Variants in ADCY8 observed in about 807,000 individuals in gnomAD.
The protein encoded by ADCY8 is adenylate cyclase 8.
A neutral mutation model predicts 119.7 loss-of-function variants in ADCY8; 51 were observed. That is an observed-to-expected ratio of 0.43 (90% CI 0.34 to 0.54). The LOEUF is 0.54. ADCY8 is among the 20% of genes least tolerant of loss of function. The probability of loss-of-function intolerance (pLI) is 0.03; values close to 1 mark genes in which losing one functional copy is unlikely to be tolerated. For missense variants in ADCY8, 1,383 were observed against 1,598.8 expected (o/e 0.87, Z 2.30); for synonymous variants, 665 against 651.0 (o/e 1.02, Z -0.33).
chr8:131,020,313 G>A (rs1823624351), intron 1 of ADCY8, among the ~76,000 whole-genome samples: 2 of 152,168 alleles, frequency 1.3e-5, no homozygotes, highest in Admixed American at 6.5e-5. Context: ...TGTGATTCAG[G>A]TGAGGACCAG....
At chr8:130,859,035 G>A (rs1190682206) in intron 9 of ADCY8, among the ~76,000 whole-genome samples, 1 of 151,998 alleles carries the variant, frequency 6.6e-6, no homozygotes, top group Admixed American at 6.6e-5. Flanking sequence ...GACTCAGACA[G>A]TTCTCCAAGG....
intron 2 of ADCY8, among the ~76,000 whole-genome samples, chr8:130,969,739 G>A (rs188433383): frequency 1.8e-3 from 270 of 152,222 alleles, no homozygotes; most frequent in Admixed American, 4.1e-3. Flanking sequence ...CCCTTCTTAT[G>A]TATGTAATGA....
intron 2 of ADCY8, among the ~76,000 whole-genome samples, chr8:130,988,987 C>T (rs1236236076): frequency 6.6e-6 from 1 of 152,158 alleles, no homozygotes; most frequent in Non-Finnish European, 1.5e-5. Context: ...GGCACAGATC[C>T]CATGGAAAGA....
At chr8:130,940,137 C>G (rs987459288) in intron 4 of ADCY8, among the ~76,000 whole-genome samples, 3 of 152,212 alleles carry the variant, frequency 2.0e-5, no homozygotes, top group Non-Finnish European at 1.5e-5. Context: ...GGACCACTTT[C>G]TAAGTCACGT....
intron 7 of ADCY8, among the ~76,000 whole-genome samples, chr8:130,894,422 C>T (rs1376541455): frequency 6.6e-6 from 1 of 152,018 alleles, no homozygotes; most frequent in Non-Finnish European, 1.5e-5. Context: ...TTAAGTTTTC[C>T]CCAGACATGA....
chr8:130,780,355 G>C lies in ADCY8; in HGVS notation c.*35C>G. On this transcript the variant is annotated 3_prime_UTR_variant, in exon 18 of 18. Transcript: ENST00000286355. The stretch of plus-strand genomic sequence containing the variant: ...TAGTATATTTATTTTATATATAAAA[G>C]AAATACAAAAAAAAAAAACAGAAAG... The C allele has an allele frequency of 6.1e-6, 6 of 980,224 alleles. No individual in the cohort carries two copies. Among genetic ancestry groups the C allele is most frequent in the Non-Finnish European group, 7.8e-6 (6 of 764,448 alleles). 60.7% of individuals were successfully genotyped at this position (980,224 alleles called of 1,614,324 possible).
chr8:130,855,830 T>G (rs1372286812), intron 9 of ADCY8, among the ~76,000 whole-genome samples: 3 of 152,152 alleles, frequency 2.0e-5, no homozygotes, highest in South Asian at 2.1e-4. Context: ...CTCCTTATTA[T>G]TTTGTGCCAG....
At chr8:130,862,860 T>C (rs899764263) in intron 9 of ADCY8, among the ~76,000 whole-genome samples, 2 of 152,216 alleles carry the variant, frequency 1.3e-5, no homozygotes, top group Admixed American at 1.3e-4. Flanking sequence ...GAACATACTT[T>C]GTGTTATTTT....
intron 5 of ADCY8, among the ~76,000 whole-genome samples, chr8:130,919,914 T>C (rs1301074343): frequency 6.6e-6 from 1 of 152,112 alleles, no homozygotes; most frequent in African/African-American, 2.4e-5. Context: ...GATTAGTCCT[T>C]ATGGTGTGGC....
In ADCY8 at chr8:131,010,555, C is replaced by T. The variant is rs555616609; in HGVS notation, c.961-20013G>A. On this transcript the variant is annotated intron_variant, in intron 1 of 17. Transcript: ENST00000286355. ...AAAGAGAGAGAGAAAAACAGATACA[C>T]AAATAAGGGAAGAAAAATGAAGGTA... Among the ~76,000 whole-genome samples, 3 of 151,830 alleles carry T rather than the reference C, an allele frequency of 2.0e-5. No homozygotes were observed. The East Asian group carries it at 5.8e-4, about 29-fold the overall frequency.
At chr8:130,844,834 T>G (rs1250589085) in intron 11 of ADCY8, among the ~76,000 whole-genome samples, 1 of 152,172 alleles carries the variant, frequency 6.6e-6, no homozygotes, top group Non-Finnish European at 1.5e-5. Flanking sequence ...AATGGTAACA[T>G]CAATCCATAT....
chr8:130,810,646 A>G (rs1265072856), intron 14 of ADCY8, among the ~76,000 whole-genome samples: 1 of 152,230 alleles, frequency 6.6e-6, no homozygotes. Context: ...TGTTCAGTAA[A>G]TGATGTTTTA....
intron 1 of ADCY8, among the ~76,000 whole-genome samples, chr8:131,013,363 T>C (rs1823370199): frequency 6.6e-6 from 1 of 152,050 alleles, no homozygotes; most frequent in Non-Finnish European, 1.5e-5. Flanking sequence ...TACAGTGCCG[T>C]AGGGTAAGGG....
intron 11 of ADCY8, among the ~76,000 whole-genome samples, chr8:130,845,810 A>G (rs931834900): frequency 6.6e-6 from 1 of 152,170 alleles, no homozygotes. Context: ...GGTTCAAATT[A>G]TAGTATCAAG....
At chr8:130,946,599 C>T (rs1308924801) in intron 3 of ADCY8, among the ~76,000 whole-genome samples, 1 of 152,186 alleles carries the variant, frequency 6.6e-6, no homozygotes, top group Non-Finnish European at 1.5e-5. Flanking sequence ...TAACACTTAA[C>T]TCTCAATAGC....
intron 2 of ADCY8, among the ~76,000 whole-genome samples, chr8:130,980,224 C>T (rs1822198302): frequency 3.3e-5 from 5 of 152,148 alleles, no homozygotes. Context: ...TGAATTAAGG[C>T]CCACCCTAAT....
chr8:130,802,530 A>C (rs546483167), intron 14 of ADCY8, among the ~76,000 whole-genome samples: 1 of 152,240 alleles, frequency 6.6e-6, no homozygotes, highest in South Asian at 2.1e-4. Context: ...CCAATGGCTC[A>C]CCATTGCCCT....
intron 8 of ADCY8, among the ~76,000 whole-genome samples, chr8:130,880,379 T>C (rs564611887): frequency 2.8e-4 from 42 of 152,334 alleles, no homozygotes; most frequent in African/African-American, 1.0e-3. Context: ...TGAAAATGCA[T>C]TCTTCTTTTA....
At chr8:131,002,665 T>G (rs1413739386) in intron 1 of ADCY8, among the ~76,000 whole-genome samples, 1 of 140,400 alleles carries the variant, frequency 7.1e-6, no homozygotes, top group African/African-American at 2.6e-5. Context: ...TAAGAAAAGG[T>G]AAAAAAAAAA....
Sources: gnomAD v4.1 joint callset for allele counts (sites outside exome capture counted in the v4.1 genomes callset) on GRCh38, gnomAD v4.1.1 for gene constraint, MANE v1.5 for transcripts, NCBI Gene and HGNC (gene_info 2026-07-23, HGNC 2026-07-21) for gene names.